Variants in ABCD2 observed in about 807,000 individuals in gnomAD.
The protein encoded by ABCD2 is ATP binding cassette subfamily D member 2.
Under a neutral mutation model 70.9 loss-of-function variants are expected in ABCD2, and 36 were observed. The ratio of observed to expected loss-of-function variants is 0.51; its 90% CI spans 0.39 to 0.67. ABCD2 has a LOEUF of 0.67. Ranked by LOEUF, ABCD2 falls within the 30% of genes least tolerant of loss-of-function variation. The pLI is 0.00. For missense variants in ABCD2, 729 were observed against 890.2 expected, an observed-to-expected ratio of 0.82 and a Z score of 2.30; for synonymous variants, 304 against 306.9, an observed-to-expected ratio of 0.99 and a Z score of 0.10.
chr12:39,608,970 T>G (rs896257951), intron 2 of ABCD2, among the ~76,000 whole-genome samples: 1 of 152,232 alleles, frequency 6.6e-6, no homozygotes, highest in African/African-American at 2.4e-5. Context: ...GACTTTAATA[T>G]ACTTTCCTTT....
chr12:39,565,449 A>G (rs1941330173), intron 9 of ABCD2, among the ~76,000 whole-genome samples: 1 of 152,112 alleles, frequency 6.6e-6, no homozygotes, highest in Non-Finnish European at 1.5e-5. Flanking sequence ...TTGGTGTATA[A>G]GAATGCTTGT....
At chr12:39,592,709 C>T (rs1941763557) in intron 6 of ABCD2, among the ~76,000 whole-genome samples, 1 of 152,180 alleles carries the variant, frequency 6.6e-6, no homozygotes, top group African/African-American at 2.4e-5. Flanking sequence ...CATCACATTC[C>T]TCCTTTATTC....
chr12:39,539,407 A>T, the ABCD2 span, among the ~76,000 whole-genome samples: 1 of 152,168 alleles, frequency 6.6e-6, no homozygotes. Context: ...GGCCCGTAAA[A>T]TCTGGTTATT....
intron 6 of ABCD2, among the ~76,000 whole-genome samples, chr12:39,597,287 A>T (rs1331608734): frequency 2.0e-5 from 3 of 152,116 alleles, no homozygotes; most frequent in African/African-American, 7.2e-5. Context: ...TAAATATTCC[A>T]ATTTATTATT....
chr12:39,588,470 G>A (rs1941696925), intron 6 of ABCD2, among the ~76,000 whole-genome samples: 1 of 152,186 alleles, frequency 6.6e-6, no homozygotes. Context: ...AGGAGACAGA[G>A]ATGGGAGTTA....
intron 3 of ABCD2, among the ~76,000 whole-genome samples, chr12:39,607,155 T>A (rs932492299): frequency 1.3e-5 from 2 of 152,212 alleles, no homozygotes; most frequent in Non-Finnish European, 2.9e-5. Context: ...GTGTTTAATA[T>A]GTGCTGTTTT....
intron 9 of ABCD2, among the ~76,000 whole-genome samples, chr12:39,568,848 C>A (rs1941401798): frequency 6.6e-6 from 1 of 152,182 alleles, no homozygotes; most frequent in African/African-American, 2.4e-5. Flanking sequence ...TGCTAACAGT[C>A]AGGACCCTCA....
Position 39,619,760 on chromosome 12 carries a change from T to C in ABCD2, c.-145A>G. ...TTCCACTGTTGTGTTTTTAATTTTGTTCTGCTGTGACAGATGCAGCAGAGC... is the reference window on the plus strand; with the variant it reads ...TTCCACTGTTGTGTTTTTAATTTTGCTCTGCTGTGACAGATGCAGCAGAGC... On this transcript the variant is annotated 5_prime_UTR_variant, in exon 1 of 10. Coordinates refer to ENST00000308666, the MANE Select transcript of ABCD2 (RefSeq NM_005164.4). 4 of 724,006 alleles carry C rather than the reference T, an allele frequency of 5.5e-6. No individual in the cohort carries two copies. The South Asian group carries it at 7.8e-5, about 14-fold the overall frequency. The allele number at this position is 724,006 out of a possible 1,614,324, so 44.8% of individuals were successfully genotyped here. A position where few individuals can be genotyped will look rare whatever the true frequency, so the allele number is the denominator to read the frequency against.
the ABCD2 span, among the ~76,000 whole-genome samples, chr12:39,533,942 C>A: frequency 6.6e-6 from 1 of 152,168 alleles, no homozygotes; most frequent in Non-Finnish European, 1.5e-5. Context: ...AGGAATGAAT[C>A]TCAACGAAAG....
chr12:39,579,419 A>T (rs1173004729), intron 8 of ABCD2, 116 bp downstream of exon 8: 2 of 695,844 alleles, frequency 2.9e-6, no homozygotes, highest in Non-Finnish European at 4.9e-6. Flanking sequence ...TTGTAGTAAG[A>T]TATTTTTAAG....
intron 9 of ABCD2, among the ~76,000 whole-genome samples, chr12:39,570,011 G>T (rs1460119630): frequency 6.6e-6 from 1 of 152,072 alleles, no homozygotes; most frequent in South Asian, 2.1e-4. Flanking sequence ...AAACACTTAG[G>T]CATAAATATA....
intron 7 of ABCD2, among the ~76,000 whole-genome samples, chr12:39,584,453 C>T (rs1010919616): frequency 1.3e-5 from 2 of 152,134 alleles, no homozygotes; most frequent in African/African-American, 4.8e-5. Flanking sequence ...AATACTTTCT[C>T]CCATTGTGTA....
intron 6 of ABCD2, among the ~76,000 whole-genome samples, chr12:39,597,364 G>A (rs766462881): frequency 3.2e-4 from 48 of 152,074 alleles, no homozygotes; most frequent in Admixed American, 2.1e-3. Context: ...TAAAAGGGTG[G>A]GTTTAGGGGC....
At chr12:39,564,915 G>C (rs1217791327) in intron 9 of ABCD2, among the ~76,000 whole-genome samples, 2 of 152,114 alleles carry the variant, frequency 1.3e-5, no homozygotes, top group African/African-American at 2.4e-5. Context: ...GTTTTTGTCA[G>C]GTTTGTCAAA....
chr12:39,607,728 C>CA lies in ABCD2; in HGVS notation c.1121-15dup. On this transcript the variant is annotated splice_polypyrimidine_tract_variant and intron_variant, in intron 2 of 9. Coordinates refer to ENST00000308666, the MANE Select transcript of ABCD2 (RefSeq NM_005164.4). ...TTTGGCCATCCTCTAGATATAAAAA[C>CA]AAATTACAAAACTTGAGTTTTTTTT... 1 of 1,039,832 alleles carries CA rather than the reference C, an allele frequency of 9.6e-7. No individual in the cohort carries two copies. Among genetic ancestry groups the CA allele is most frequent in the Non-Finnish European group, 1.4e-6 (1 of 712,344 alleles). 64.4% of individuals were successfully genotyped at this position (1,039,832 alleles called of 1,614,324 possible). A position where few individuals can be genotyped will look rare whatever the true frequency, so the allele number is the denominator to read the frequency against.
rs560029074 is a variant in ABCD2 at position 39,618,875 on chromosome 12, T to G, written c.741A>C (p.Thr247=). 121 of 1,614,204 alleles carry G rather than the reference T, an allele frequency of 7.5e-5. No individual in the cohort carries two copies. In the East Asian group the frequency reaches 2.4e-3, roughly 32 times the overall value. ...LTSYTLIQTA[T]SRGASPIGPT... Reference sequence around the variant, plus strand: ...GCCCAATTGGGCTTGCTCCTCTGGATGTAGCAGTTTGAATGAGTGTATAGG... The same window carrying G: ...GCCCAATTGGGCTTGCTCCTCTGGAGGTAGCAGTTTGAATGAGTGTATAGG... The change falls in exon 1 of 10, where the codon ACA becomes ACC. Residue 247 remains threonine, a synonymous_variant. Coordinates refer to ENST00000308666, the MANE Select transcript of ABCD2 (RefSeq NM_005164.4).
Position 39,553,916 on chromosome 12 carries a change from G to A in ABCD2, c.2219C>T (p.Ser740Phe), listed in dbSNP as rs746243559. ...LKTIKNEDET[S>F] The stretch of plus-strand genomic sequence containing the variant: ...TTTAAAATATGTCAAAACAAATTAA[G>A]ATGTCTCATCTTCATTTTTAATTGT... The change falls in exon 10 of 10, where the codon TCT (serine) becomes TTT (phenylalanine). Residue 740 changes from serine to phenylalanine, a missense_variant. Physicochemically the swap from Ser to Phe is radical, Grantham distance 155. Coordinates refer to ENST00000308666, the MANE Select transcript of ABCD2 (RefSeq NM_005164.4). The A allele has an allele frequency of 6.2e-6, 10 of 1,602,622 alleles. No homozygotes were observed. The highest frequency in any genetic ancestry group is 7.7e-6 in the Non-Finnish European group (9 of 1,173,728).
At chr12:39,573,925 A>G (rs1941482504) in intron 8 of ABCD2, 84 bp from the exon 9 acceptor site, 1 of 1,352,730 alleles carries the variant, frequency 7.4e-7, no homozygotes, top group African/African-American at 1.5e-5. Context: ...TGCATTGCTA[A>G]CAATTTTAAT....
downstream of ABCD2, among the ~76,000 whole-genome samples, chr12:39,548,821 T>C (rs1001661953): frequency 2.0e-5 from 3 of 152,032 alleles, no homozygotes; most frequent in Non-Finnish European, 4.4e-5. Context: ...CTACATAATC[T>C]GTTTTTAGGT....
Sources: allele counts gnomAD v4.1 joint callset (sites outside exome capture counted in the v4.1 genomes callset), GRCh38; gene constraint gnomAD v4.1.1; transcripts MANE v1.5; gene names NCBI Gene and HGNC (gene_info 2026-07-23, HGNC 2026-07-21).